Variants in GABBR2 observed in about 807,000 individuals in gnomAD.
GABBR2 encodes the protein gamma-aminobutyric acid type B receptor subunit 2, also known as G-protein coupled receptor 51.
Under a neutral mutation model 105.6 loss-of-function variants are expected in GABBR2, and 23 were observed. The ratio of observed to expected loss-of-function variants is 0.22; its 90% confidence interval spans 0.16 to 0.31. The LOEUF (loss-of-function observed/expected upper bound fraction) is 0.31. Among genes scored for constraint, GABBR2 ranks in the 10% least tolerant of loss-of-function variants. The probability of loss-of-function intolerance (pLI) is 1.00; values close to 1 mark genes in which losing one functional copy is unlikely to be tolerated. For synonymous variants in GABBR2, 478 were observed against 499.7 expected (o/e 0.96, Z 0.58); for missense variants, 734 against 1,245.5 (o/e 0.59, Z 6.18).
At chr9:98,302,556 C>T (rs1458196290) in intron 16 of GABBR2, among the ~76,000 whole-genome samples, 1 of 152,190 alleles carries the variant, frequency 6.6e-6, no homozygotes, top group Non-Finnish European at 1.5e-5. Context: ...AATGTACTTT[C>T]CTTGGTCCCT....
intron 1 of GABBR2, among the ~76,000 whole-genome samples, chr9:98,616,854 G>C (rs961061617): frequency 1.3e-5 from 2 of 152,158 alleles, no homozygotes; most frequent in African/African-American, 4.8e-5. Context: ...GTGTTCTCTG[G>C]ATAAGTGAGG....
intron 1 of GABBR2, among the ~76,000 whole-genome samples, chr9:98,603,740 C>T (rs1427371552): frequency 6.6e-6 from 1 of 152,082 alleles, no homozygotes; most frequent in African/African-American, 2.4e-5. Context: ...AGAAACTGGC[C>T]CAAAGCTGAT....
chr9:98,519,658 C>A (rs921512114), intron 3 of GABBR2, among the ~76,000 whole-genome samples: 3 of 150,762 alleles, frequency 2.0e-5, no homozygotes, highest in African/African-American at 4.9e-5. Context: ...GATTCAACTT[C>A]AAAGTCTATC....
chr9:98,519,482 C>T (rs1051219042), intron 3 of GABBR2, among the ~76,000 whole-genome samples: 1 of 152,266 alleles, frequency 6.6e-6, no homozygotes, highest in Non-Finnish European at 1.5e-5. Context: ...GACTCATTTA[C>T]TGAGTGCCTG....
intron 3 of GABBR2, among the ~76,000 whole-genome samples, chr9:98,541,202 G>A (rs1828297102): frequency 6.6e-6 from 1 of 152,152 alleles, no homozygotes; most frequent in Non-Finnish European, 1.5e-5. Flanking sequence ...AAACATACAT[G>A]ATATGAAGTC....
intron 6 of GABBR2, among the ~76,000 whole-genome samples, chr9:98,468,775 G>A (rs1826608891): frequency 6.6e-6 from 1 of 152,156 alleles, no homozygotes; most frequent in African/African-American, 2.4e-5. Context: ...GTGAACGCAG[G>A]ATCCACACCG....
At chr9:98,536,115 C>G (rs1340972668) in intron 3 of GABBR2, among the ~76,000 whole-genome samples, 1 of 152,128 alleles carries the variant, frequency 6.6e-6, no homozygotes, top group Admixed American at 6.5e-5. Context: ...ACCTTACTCT[C>G]AATTTTGCTA....
intron 13 of GABBR2, among the ~76,000 whole-genome samples, chr9:98,333,535 A>G (rs1283211462): frequency 6.6e-6 from 1 of 152,120 alleles, no homozygotes; most frequent in Non-Finnish European, 1.5e-5. Flanking sequence ...CCATCTCCGC[A>G]TGGCCTTCTC....
intron 1 of GABBR2, among the ~76,000 whole-genome samples, chr9:98,601,370 A>G (rs1034155120): frequency 1.3e-5 from 2 of 152,164 alleles, no homozygotes; most frequent in African/African-American, 4.8e-5. Flanking sequence ...ATTTGAAATT[A>G]GCCGTGCATG....
chr9:98,659,678 G>A (rs192579050), intron 1 of GABBR2, among the ~76,000 whole-genome samples: 25 of 151,658 alleles, frequency 1.6e-4, no homozygotes, highest in African/African-American at 5.8e-4. Context: ...CCACCACCAC[G>A]CCCAGCTAAC....
rs111373720 is a variant in GABBR2 at position 98,372,804 on chromosome 9, A to G, written c.1663-1233T>C. On this transcript the variant is annotated intron_variant, in intron 11 of 18. Coordinates refer to ENST00000259455, the MANE Select transcript of GABBR2 (RefSeq NM_005458.8). ...ACAGAACATTTTGCGTTTCAATTTT[A>G]TTTGTAAAAATAGGAACTATTTTTA... 7.9e-5 allele frequency among the ~76,000 whole-genome samples: 12 copies of G among 152,238 alleles called. 1 individual carries two copies. The highest frequency in any genetic ancestry group is 2.6e-4 in the African/African-American group (11 of 41,542).
At chr9:98,516,275 C>T (rs1476328877) in intron 3 of GABBR2, 1 of 152,236 alleles carries the variant, frequency 6.6e-6, no homozygotes, top group South Asian at 2.1e-4. Flanking sequence ...CACCTCCTGG[C>T]CCCAAGGTCT....
intron 3 of GABBR2, among the ~76,000 whole-genome samples, chr9:98,513,941 T>G (rs1379511333): frequency 2.0e-5 from 3 of 152,176 alleles, no homozygotes; most frequent in African/African-American, 7.2e-5. Context: ...CATGCTGCTA[T>G]AAAGACACAT....
chr9:98,563,783 C>G (rs1052448143), intron 2 of GABBR2, among the ~76,000 whole-genome samples: 5 of 152,124 alleles, frequency 3.3e-5, no homozygotes, highest in African/African-American at 1.2e-4. Flanking sequence ...CTGTATAAGG[C>G]TCAATCTCTT....
At position 98,606,762 on chromosome 9, in the gene GABBR2, G is replaced by A. The variant is rs968303666; in HGVS notation, c.322-28690C>T. The A allele has an allele frequency of 2.5e-5, 7 of 284,686 alleles. No individual in the cohort carries two copies. In the Admixed American group the frequency reaches 3.4e-4, roughly 14 times the overall value. 17.6% of individuals were successfully genotyped at this position (284,686 alleles called of 1,614,324 possible). The stretch of plus-strand genomic sequence containing the variant: ...CCCAAAGTGCTGGGATTACAGGCAT[G>A]AGCCACCGTGCCTGACCTATTATCA... On this transcript the variant is annotated intron_variant, in intron 1 of 18. Coordinates refer to ENST00000259455, the MANE Select transcript of GABBR2 (RefSeq NM_005458.8).
chr9:98,563,874 G>A (rs887719716), intron 2 of GABBR2, among the ~76,000 whole-genome samples: 3 of 152,080 alleles, frequency 2.0e-5, no homozygotes, highest in Admixed American at 1.3e-4. Flanking sequence ...CACAACTAAT[G>A]TAGACTATGC....
At chr9:98,407,460 G>A (rs1392574922) in intron 7 of GABBR2, among the ~76,000 whole-genome samples, 1 of 152,196 alleles carries the variant, frequency 6.6e-6, no homozygotes, top group Non-Finnish European at 1.5e-5. Flanking sequence ...CTATATTCAG[G>A]TGACGGTAAG....
rs377496484 is a variant in GABBR2 at position 98,591,995 on chromosome 9, T to G, written c.322-13923A>C. ...ATGGGTCACCCCAGGAAAAGTTGAT[T>G]CCTCTCTCAAGCAAGGGGGGCACTT... On this transcript the variant is annotated intron_variant, in intron 1 of 18. Transcript: ENST00000259455. 1.6e-4 allele frequency among the ~76,000 whole-genome samples: 24 copies of G among 152,254 alleles called. No individual in the cohort carries two copies. In the East Asian group the frequency reaches 3.5e-3, roughly 22 times the overall value.
chr9:98,299,746 T>C (rs1830438726), intron 16 of GABBR2, among the ~76,000 whole-genome samples: 1 of 152,184 alleles, frequency 6.6e-6, no homozygotes, highest in Non-Finnish European at 1.5e-5. Context: ...CAATTTCTTT[T>C]TCTGTAGAAT....
Sources: allele counts gnomAD v4.1 joint callset (sites outside exome capture counted in the v4.1 genomes callset), GRCh38; gene constraint gnomAD v4.1.1; transcripts MANE v1.5; gene names NCBI Gene and HGNC (gene_info 2026-07-23, HGNC 2026-07-21).